Variants in GABRA2 observed in about 807,000 individuals in gnomAD.
GABRA2 encodes the protein gamma-aminobutyric acid receptor subunit alpha-2.
A neutral mutation model predicts 48.7 loss-of-function variants in GABRA2; 16 were observed. The ratio of observed to expected loss-of-function variants is 0.33; its 90% confidence interval spans 0.22 to 0.50. GABRA2 has a LOEUF of 0.50. Ranked by LOEUF, GABRA2 falls within the 20% of genes least tolerant of loss-of-function variation. The pLI is 0.98. For missense variants in GABRA2, 275 were observed against 535.6 expected, an observed-to-expected ratio of 0.51 and a Z score of 4.80; for synonymous variants, 185 against 184.5, an observed-to-expected ratio of 1.00 and a Z score of -0.02.
intron 8 of GABRA2, among the ~76,000 whole-genome samples, chr4:46,263,966 C>T (rs1049918178): frequency 5.4e-5 from 8 of 149,452 alleles, no homozygotes; most frequent in Non-Finnish European, 8.9e-5. Flanking sequence ...CTATAATAAA[C>T]ATTTCCATTT....
chr4:46,306,386 A>G (rs1032861591), intron 6 of GABRA2, among the ~76,000 whole-genome samples: 2 of 152,222 alleles, frequency 1.3e-5, no homozygotes, highest in Admixed American at 6.5e-5. Flanking sequence ...CAGATCAGAC[A>G]TAACTTCCTG....
rs906414512 is a variant in GABRA2 at position 46,249,529 on chromosome 4, C to A, written c.*779G>T. 23 of 151,276 alleles carry A rather than the reference C, an allele frequency of 1.5e-4. No individual in the cohort carries two copies. The highest frequency in any genetic ancestry group is 5.3e-4 in the African/African-American group (22 of 41,276). The allele number at this position is 151,276 out of a possible 1,614,324, so 9.4% of individuals were successfully genotyped here. ...CTGATCAATTTCAATACAACACATA[C>A]CTGGAAATGTTAAGACACATTTCTT... is the stretch of plus-strand genomic sequence containing the variant. On this transcript the variant is annotated 3_prime_UTR_variant, in exon 10 of 10. Transcript: ENST00000381620.
chr4:46,343,762 AT>A (rs1430465451), intron 3 of GABRA2, among the ~76,000 whole-genome samples: 3 of 152,050 alleles, frequency 2.0e-5, no homozygotes, highest in African/African-American at 7.2e-5. Flanking sequence ...GAGTTACTTT[AT>A]AAAATCACTT....
intron 3 of GABRA2, among the ~76,000 whole-genome samples, chr4:46,357,856 T>C (rs1736259393): frequency 3.9e-5 from 6 of 151,926 alleles, no homozygotes; most frequent in Admixed American, 3.9e-4. Flanking sequence ...AGACAGAGTT[T>C]CACCATGTTG....
intron 8 of GABRA2, among the ~76,000 whole-genome samples, chr4:46,301,429 C>T (rs932012089): frequency 3.3e-5 from 5 of 152,134 alleles, no homozygotes; most frequent in East Asian, 1.9e-4. Context: ...TGCTATAACC[C>T]GTTAAGATAA....
chr4:46,268,069 AAACAAC>A (rs36123721), intron 8 of GABRA2, among the ~76,000 whole-genome samples: 3 of 151,298 alleles, frequency 2.0e-5, no homozygotes, highest in African/African-American at 7.3e-5. Context: ...ATATGACAGA[AAACAAC>A]AACAACAACA....
In GABRA2 at chr4:46,262,048, T is replaced by C; in HGVS notation, c.937A>G (p.Met313Val). Residue 313 changes from methionine (M) to valine (V), a missense_variant, in exon 9 of 10, where the codon ATG becomes GTG. Met to Val is a conservative substitution (Grantham distance 21). Coordinates refer to ENST00000381620, the MANE Select transcript of GABRA2 (RefSeq NM_000807.4). Reference protein sequence around the residue: ...SLPKVAYATAMDWFIAVCYAF... With the variant: ...SLPKVAYATAVDWFIAVCYAF... ...TAACAAACAGCAATAAACCAGTCCA[T>C]GGCAGTTGCATAAGCCACTTTGGGG... The C allele has an allele frequency of 6.2e-7, 1 of 1,613,808 alleles. No homozygotes were observed. The highest frequency in any genetic ancestry group is 8.5e-7 in the Non-Finnish European group (1 of 1,179,836).
At chr4:46,281,795 G>A (rs757836083) in intron 8 of GABRA2, among the ~76,000 whole-genome samples, 6 of 152,088 alleles carry the variant, frequency 3.9e-5, no homozygotes, top group Non-Finnish European at 8.8e-5. Context: ...CATTAGCCAG[G>A]GCATTAGAAG....
At chr4:46,265,785 T>C (rs1482634372) in intron 8 of GABRA2, among the ~76,000 whole-genome samples, 1 of 151,810 alleles carries the variant, frequency 6.6e-6, no homozygotes, top group African/African-American at 2.4e-5. Flanking sequence ...ATTTGAGAAT[T>C]TTTTTTCTCT....
chr4:46,279,719 TAAATAGTCCA>T (rs1325672445), intron 8 of GABRA2, among the ~76,000 whole-genome samples: 1 of 152,110 alleles, frequency 6.6e-6, no homozygotes, highest in East Asian at 1.9e-4. Flanking sequence ...TCTTCCCCTT[TAAATAGTCCA>T]ACTCATGATT....
At chr4:46,268,384 G>A (rs185349460) in intron 8 of GABRA2, among the ~76,000 whole-genome samples, 1 of 151,884 alleles carries the variant, frequency 6.6e-6, no homozygotes, top group East Asian at 1.9e-4. Flanking sequence ...ACAGGCAAGG[G>A]ACTTCAAAAG....
At chr4:46,339,867 T>C (rs1276823033) in intron 3 of GABRA2, among the ~76,000 whole-genome samples, 1 of 151,874 alleles carries the variant, frequency 6.6e-6, no homozygotes, top group African/African-American at 2.4e-5. Flanking sequence ...ATTTGCAGTC[T>C]AGAACTTTCT....
rs530350482 is a variant in GABRA2 at position 46,282,668 on chromosome 4, T to C, written c.857-20540A>G. Among the ~76,000 whole-genome samples the C allele has an allele frequency of 1.3e-3, 200 of 152,284 alleles. 2 individuals are homozygous for C. The highest frequency in any genetic ancestry group is 4.6e-3 in the African/African-American group (191 of 41,566). On this transcript the variant is annotated intron_variant, in intron 8 of 9. Transcript: ENST00000381620. ...TTATAGAGGTCCATAGCTTCTGAAA[T>C]GGCCATTTTGCAAAATGATTATTGT...
At chr4:46,358,027 G>A (rs574702311) in intron 3 of GABRA2, among the ~76,000 whole-genome samples, 10 of 152,128 alleles carry the variant, frequency 6.6e-5, no homozygotes, top group African/African-American at 2.2e-4. Flanking sequence ...AAAACATAAC[G>A]TTAGTATGAG....
At chr4:46,292,277 CTGAG>C (rs1272207347) in intron 8 of GABRA2, among the ~76,000 whole-genome samples, 2 of 152,138 alleles carry the variant, frequency 1.3e-5, no homozygotes, top group African/African-American at 4.8e-5. Flanking sequence ...TAAGATTGCC[CTGAG>C]TGAGAGTCTT....
intron 8 of GABRA2, among the ~76,000 whole-genome samples, chr4:46,293,685 T>C (rs1724101710): frequency 6.6e-6 from 1 of 152,146 alleles, no homozygotes; most frequent in African/African-American, 2.4e-5. Flanking sequence ...GTGAACACTA[T>C]TATGGTGGAA....
At chr4:46,330,575 T>TAC (rs1453956131) in intron 4 of GABRA2, among the ~76,000 whole-genome samples, 1 of 90,246 alleles carries the variant, frequency 1.1e-5, no homozygotes, top group Non-Finnish European at 2.5e-5. Context: ...TATATATATA[T>TAC]ATATATATAT....
chr4:46,349,488 GA>G (rs1266826602), intron 3 of GABRA2, among the ~76,000 whole-genome samples: 1 of 151,888 alleles, frequency 6.6e-6, no homozygotes, highest in South Asian at 2.1e-4. Flanking sequence ...TCATATATGG[GA>G]AAAAATTTAA....
chr4:46,333,505 T>G (rs1175432575), intron 3 of GABRA2, among the ~76,000 whole-genome samples: 1 of 152,108 alleles, frequency 6.6e-6, no homozygotes, highest in East Asian at 1.9e-4. Context: ...CTAAATGTCT[T>G]ATCCATTAGC....
Sources: allele counts gnomAD v4.1 joint callset (sites outside exome capture counted in the v4.1 genomes callset), GRCh38; gene constraint gnomAD v4.1.1; transcripts MANE v1.5; gene names NCBI Gene and HGNC (gene_info 2026-07-23, HGNC 2026-07-21).